Variants in ZP4 observed in about 807,000 individuals in gnomAD.
ZP4 encodes the protein zona pellucida sperm-binding protein 4.
ZP4 carries 62 observed loss-of-function variants against 62.3 expected under a neutral mutation model. That is an observed-to-expected ratio of 0.99 (90% confidence interval 0.81 to 1.23). ZP4 has a LOEUF of 1.23. ZP4 is among the 50% of genes most tolerant of loss of function. The pLI is 0.00. For missense variants in ZP4, 774 were observed against 656.0 expected (o/e 1.18, Z -1.97); for synonymous variants, 289 against 247.3 (o/e 1.17, Z -1.58).
intron 3 of ZP4, among the ~76,000 whole-genome samples, chr1:237,888,802 A>G (rs914765258): frequency 1.3e-5 from 2 of 152,158 alleles, no homozygotes; most frequent in East Asian, 3.9e-4. Flanking sequence ...TCCAGTAACA[A>G]TCCTTCCTTC....
At chr1:237,889,543 C>T (rs1401059836) in intron 3 of ZP4, among the ~76,000 whole-genome samples, 1 of 151,948 alleles carries the variant, frequency 6.6e-6, no homozygotes, top group Non-Finnish European at 1.5e-5. Context: ...GACTCCAACT[C>T]CCGACCTGAT....
rs766148332 is a variant in ZP4, at chr1:237,884,822, A to G, written c.1337T>C (p.Val446Ala). ...GPVHLHCSVS[V>A]CQPAETPSCV... Reference sequence around the variant, plus strand: ...GGATGGTGTCTCAGCAGGCTGGCAGACTGACACGCTGCAGTGCAGATGCAC... The same window carrying G: ...GGATGGTGTCTCAGCAGGCTGGCAGGCTGACACGCTGCAGTGCAGATGCAC... Residue 446 changes from valine to alanine, a missense_variant, in exon 10 of 12, where the codon GTC becomes GCC. Transcript: ENST00000366570. The G allele has an allele frequency of 6.2e-7, 1 of 1,613,576 alleles. No individual in the cohort carries two copies. The highest frequency in any genetic ancestry group is 1.7e-5 in the Admixed American group (1 of 59,966).
intron 3 of ZP4, among the ~76,000 whole-genome samples, chr1:237,889,322 T>C (rs983749471): frequency 1.3e-5 from 2 of 151,262 alleles, no homozygotes; most frequent in African/African-American, 4.9e-5. Context: ...TGTATTTTTT[T>C]TTTTTTTTTT....
chr1:237,888,516 T>A lies in ZP4; in HGVS notation c.401-6A>T. 1 of 1,584,448 alleles carries A rather than the reference T, an allele frequency of 6.3e-7. No individual in the cohort carries two copies. The highest frequency in any genetic ancestry group is 1.1e-5 in the South Asian group (1 of 87,760). The stretch of plus-strand genomic sequence containing the variant: ...AGTATCTGGAGCATCTCGGGCTAGG[T>A]TTTGAAAAAGAGTAAGTCAGGTTAG... On this transcript the variant is annotated splice_region_variant and splice_polypyrimidine_tract_variant and intron_variant, in intron 3 of 11. Transcript: ENST00000366570.
chr1:237,886,665 G>T, intron 6 of ZP4, 106 bp downstream of exon 6: 2 of 891,954 alleles, frequency 2.2e-6, no homozygotes, highest in Non-Finnish European at 3.5e-6. Flanking sequence ...CAAGGTAGCA[G>T]ACAGGTTTTC....
chr1:237,889,067 C>T (rs956488694), intron 3 of ZP4, among the ~76,000 whole-genome samples: 3 of 152,146 alleles, frequency 2.0e-5, no homozygotes, highest in African/African-American at 7.2e-5. Flanking sequence ...ATACTTCCTG[C>T]TGTTTCCTTA....
At chr1:237,885,351 T>C (rs370933858) in intron 8 of ZP4, 36 bp from the exon 9 acceptor site, 56 of 1,611,526 alleles carry the variant, frequency 3.5e-5, no homozygotes, top group South Asian at 2.6e-4. Flanking sequence ...GATGGGCTTC[T>C]TTGAGAATTT....
chr1:237,888,492 G>A lies in ZP4; in HGVS notation c.419C>T (p.Thr140Ile). 6.2e-7 allele frequency: 1 copy of A among 1,602,124 alleles called. No homozygotes were observed. The highest frequency in any genetic ancestry group is 8.5e-7 in the Non-Finnish European group (1 of 1,171,358). ...TGCTGGGATGGAGTCACACCAGTCA[G>A]TATCTGGAGCATCTCGGGCTAGGTT... ...MDLLARDAPDTDWCDSIPARD... is the reference protein window; with the variant it reads ...MDLLARDAPDIDWCDSIPARD... The change falls in exon 4 of 12, where the codon ACT (threonine) becomes ATT (isoleucine). Residue 140 changes from threonine to isoleucine, a missense_variant. Thr to Ile is a moderately conservative substitution (Grantham distance 89, BLOSUM62 -1). Transcript: ENST00000366570.
chr1:237,885,058 G>A lies in ZP4; in HGVS notation c.1311+107C>T, dbSNP rs956337189. 8 of 1,477,430 alleles carry A rather than the reference G, an allele frequency of 5.4e-6. No homozygotes were observed. The African/African-American group carries it at 9.8e-5, about 18-fold the overall frequency. 91.5% of individuals were successfully genotyped at this position (1,477,430 alleles called of 1,614,324 possible). ...GGGTTGCTCTGAGTCAGTACCAATA[G>A]CCAGCATTAAAGGGCTTCCTTGGCT... On this transcript the variant is annotated intron_variant, in intron 9 of 11. Coordinates refer to ENST00000366570, the MANE Select transcript of ZP4 (RefSeq NM_021186.5).
Position 237,885,206 on chromosome 1 carries a change from A to G in ZP4, c.1270T>C (p.Phe424Leu), listed in dbSNP as rs754577961. The G allele has an allele frequency of 1.3e-5, 21 of 1,614,134 alleles. 1 individual carries two copies. In the Middle Eastern group the frequency reaches 1.3e-3, roughly 101 times the overall value. ...TGTTTCTCCACTGTAGGGTTCACAA[A>G]GCTGAAGGTGAAGATGCTGAAGCGC... is the stretch of plus-strand genomic sequence containing the variant. ...HQRFSIFTFS[F>L]VNPTVEKQAL... Residue 424 changes from phenylalanine (F) to leucine (L), a missense_variant, in exon 9 of 12, where the codon TTT becomes CTT. Coordinates refer to ENST00000366570, the MANE Select transcript of ZP4 (RefSeq NM_021186.5).
chr1:237,887,514 G>A lies in ZP4; in HGVS notation c.601C>T (p.Arg201Trp), dbSNP rs374676601. 3.1e-5 allele frequency: 50 copies of A among 1,614,040 alleles called. No individual in the cohort carries two copies. Among genetic ancestry groups the A allele is most frequent in the African/African-American group, 5.3e-5 (4 of 74,922 alleles). The change falls in exon 5 of 12, where the codon CGG becomes TGG. Residue 201 changes from arginine to tryptophan, a missense_variant. Physicochemically the swap from Arg to Trp is moderately radical, Grantham distance 101 (BLOSUM62 -3). Coordinates refer to ENST00000366570, the MANE Select transcript of ZP4 (RefSeq NM_021186.5). ...REGHFSIAVSRNVTSPPLLLD... is the reference protein window; with the variant it reads ...REGHFSIAVSWNVTSPPLLLD... The stretch of plus-strand genomic sequence containing the variant: ...AGCAGTGGTGGCGAGGTCACGTTCC[G>A]AGACACAGCAATAGAGAAATGGCCC...
At chr1:237,883,868 G>A (rs1298872646) in intron 10 of ZP4, among the ~76,000 whole-genome samples, 1 of 151,364 alleles carries the variant, frequency 6.6e-6, no homozygotes, top group East Asian at 2.0e-4. Context: ...GCTGAACTGG[G>A]CGTATCACCT....
At chr1:237,887,193 A>C (rs953096451) in intron 5 of ZP4, among the ~76,000 whole-genome samples, 181 bp downstream of exon 5, 12 of 152,134 alleles carry the variant, frequency 7.9e-5, no homozygotes, top group Non-Finnish European at 1.6e-4. Context: ...GTCTTAGCTG[A>C]ACACCCAGAA....
chr1:237,884,623 A>C, intron 10 of ZP4, 146 bp downstream of exon 10: 1 of 674,410 alleles, frequency 1.5e-6, no homozygotes, highest in Non-Finnish European at 2.5e-6. Flanking sequence ...GAAGCTAGTC[A>C]TCTTTGTTCT....
chr1:237,889,746 CATGATCCTTCCTT>C (rs1665192697), intron 3 of ZP4, 108 bp downstream of exon 3: 1 of 884,274 alleles, frequency 1.1e-6, no homozygotes, highest in Non-Finnish European at 1.9e-6. Flanking sequence ...AGAGTTGGGA[CATGATCCTTCCTT>C]CATTAGTGTC....
intron 10 of ZP4, among the ~76,000 whole-genome samples, chr1:237,883,690 AGGGCGGGGG>A (rs1664980515): frequency 1.1e-4 from 1 of 9,458 alleles, no homozygotes; most frequent in Admixed American, 1.3e-3. Flanking sequence ...AGGGCGGGGG[AGGGCGGGGG>A]AGGGCGGGGG....
chr1:237,885,214 G>C lies in ZP4; in HGVS notation c.1262C>G (p.Thr421Ser). The C allele has an allele frequency of 6.2e-7, 1 of 1,614,170 alleles. No individual in the cohort carries two copies. Among genetic ancestry groups the C allele is most frequent in the Non-Finnish European group, 8.5e-7 (1 of 1,180,040 alleles). ...CACTGTAGGGTTCACAAAGCTGAAG[G>C]TGAAGATGCTGAAGCGCTGGTGGTG... ...PSHHQRFSIF[T>S]FSFVNPTVEK... Residue 421 changes from threonine to serine, a missense_variant, in exon 9 of 12, where the codon ACC becomes AGC. By Grantham distance (58) the Thr-to-Ser change is moderately conservative. Coordinates refer to ENST00000366570, the MANE Select transcript of ZP4 (RefSeq NM_021186.5).
At chr1:237,883,718 G>C in intron 10 of ZP4, among the ~76,000 whole-genome samples, 1 of 19,150 alleles carries the variant, frequency 5.2e-5, no homozygotes, top group African/African-American at 2.5e-4. Context: ...GGAGGGCGGG[G>C]GAGGGCGGGG....
chr1:237,884,711 G>A (rs1665053294), intron 10 of ZP4, 58 bp downstream of exon 10: 1 of 1,517,198 alleles, frequency 6.6e-7, no homozygotes, highest in Admixed American at 1.8e-5. Context: ...ACTAGGAAAG[G>A]TTAGACATGG....
Sources: gnomAD v4.1 joint callset for allele counts (sites outside exome capture counted in the v4.1 genomes callset) on GRCh38, gnomAD v4.1.1 for gene constraint, MANE v1.5 for transcripts, NCBI Gene and HGNC (gene_info 2026-07-23, HGNC 2026-07-21) for gene names.